The following MYOT variants were observed in gnomAD, a reference collection of about 807,000 sequenced individuals.
The protein encoded by MYOT is myotilin.
In MYOT, 36 loss-of-function variants were observed where a neutral mutation model predicts 58.0. The observed-to-expected ratio is 0.62, with a 90% CI of 0.48 to 0.82. The LOEUF is 0.82. MYOT is among the 40% of genes least tolerant of loss of function. The probability of loss-of-function intolerance (pLI) is 0.00; values close to 1 mark genes in which losing one functional copy is unlikely to be tolerated. For synonymous variants in MYOT, 218 were observed against 204.6 expected (o/e 1.07, Z -0.56); for missense variants, 505 against 592.1 (o/e 0.85, Z 1.53).
At chr5:137,878,206 C>A (rs1253011296) in intron 4 of MYOT, among the ~76,000 whole-genome samples, 1 of 151,542 alleles carries the variant, frequency 6.6e-6, no homozygotes, top group African/African-American at 2.4e-5. Context: ...CAGGTTTGCA[C>A]CTGATCGATT....
At chr5:137,872,198 C>T (rs1436624190) in intron 2 of MYOT, among the ~76,000 whole-genome samples, 12 of 152,184 alleles carry the variant, frequency 7.9e-5, no homozygotes, top group Non-Finnish European at 1.3e-4. Context: ...GGCATTCTCA[C>T]AGGTTTAACC....
intron 4 of MYOT, among the ~76,000 whole-genome samples, chr5:137,880,312 C>T (rs750789022): frequency 4.6e-5 from 7 of 152,200 alleles, no homozygotes; most frequent in Non-Finnish European, 1.0e-4. Flanking sequence ...ACATACCTTT[C>T]GTGGAGTCCA....
rs759745832 is a variant in MYOT at position 137,870,972 on chromosome 5, C to T, written c.321C>T (p.Tyr107=). 20 of 1,614,104 alleles carry T rather than the reference C, an allele frequency of 1.2e-5. No homozygotes were observed. The highest frequency in any genetic ancestry group is 1.7e-5 in the Non-Finnish European group (20 of 1,179,980). Residue 107 remains tyrosine (Y), a synonymous_variant, in exon 2 of 10, where the codon TAC becomes TAT. Coordinates refer to ENST00000239926, the MANE Select transcript of MYOT (RefSeq NM_006790.3). ...LSSILPSQPD[Y]NSSKIPSAMD... is the part of the protein sequence containing the mutation. Reference sequence around the variant, plus strand: ...CCATATTACCATCACAGCCTGATTACAATAGCAGTAAAATCCCTTCCGCTA... The same window carrying T: ...CCATATTACCATCACAGCCTGATTATAATAGCAGTAAAATCCCTTCCGCTA...
At chr5:137,870,323 A>ACG in intron 1 of MYOT, 118 bp from the exon 2 acceptor site, 1 of 410,366 alleles carries the variant, frequency 2.4e-6, no homozygotes, top group Non-Finnish European at 4.6e-6. Context: ...ACACACACAC[A>ACG]CACAAAAGGA....
chr5:137,868,144 T>C (rs553943642), intron 1 of MYOT, among the ~76,000 whole-genome samples, 191 bp downstream of exon 1: 4 of 152,206 alleles, frequency 2.6e-5, no homozygotes, highest in Non-Finnish European at 5.9e-5. Context: ...ATTATACAAA[T>C]GATAGAAGGA....
At chr5:137,878,788 A>G (rs1458834182) in intron 4 of MYOT, among the ~76,000 whole-genome samples, 1 of 152,050 alleles carries the variant, frequency 6.6e-6, no homozygotes, top group African/African-American at 2.4e-5. Context: ...ATGCCACTGC[A>G]CTCCAGCCTG....
At chr5:137,870,015 G>A (rs995443272) in intron 1 of MYOT, among the ~76,000 whole-genome samples, 3 of 151,640 alleles carry the variant, frequency 2.0e-5, no homozygotes, top group South Asian at 4.2e-4. Flanking sequence ...TCAGCTGGGT[G>A]CGGGGGCTCA....
Position 137,871,063 on chromosome 5 carries a change from G to A in MYOT, c.356+56G>A, listed in dbSNP as rs753679780. 30 of 1,445,072 alleles carry A rather than the reference G, an allele frequency of 2.1e-5. No individual in the cohort carries two copies. The East Asian group carries it at 4.8e-4, about 23-fold the overall frequency. 89.5% of individuals were successfully genotyped at this position (1,445,072 alleles called of 1,614,324 possible). On this transcript the variant is annotated intron_variant, in intron 2 of 9. Transcript: ENST00000239926. Reference sequence around the variant, plus strand: ...GTGAACTTATATCTGAGGAGTTTGCGAGGGGGTAGGAGTTTTGGGGGTATG... The same window carrying A: ...GTGAACTTATATCTGAGGAGTTTGCAAGGGGGTAGGAGTTTTGGGGGTATG...
chr5:137,885,363 A>G (rs1755562598), intron 7 of MYOT, among the ~76,000 whole-genome samples: 1 of 152,204 alleles, frequency 6.6e-6, no homozygotes, highest in Non-Finnish European at 1.5e-5. Context: ...AAACTAAACA[A>G]AATTTTACCA....
intron 4 of MYOT, among the ~76,000 whole-genome samples, chr5:137,879,460 A>C (rs1005368832): frequency 2.6e-5 from 4 of 151,906 alleles, no homozygotes. Context: ...ATGAGACACA[A>C]ACTCATCACT....
intron 4 of MYOT, among the ~76,000 whole-genome samples, chr5:137,878,583 G>C (rs1456793367): frequency 6.6e-6 from 1 of 152,140 alleles, no homozygotes; most frequent in East Asian, 1.9e-4. Context: ...CCAGCACTTT[G>C]GGAGGCCGAG....
At position 137,880,858 on chromosome 5, in the gene MYOT, C is replaced by A; in HGVS notation, c.676C>A (p.Gln226Lys). 6.2e-7 allele frequency: 1 copy of A among 1,607,374 alleles called. No individual in the cohort carries two copies. The highest frequency in any genetic ancestry group is 8.5e-7 in the Non-Finnish European group (1 of 1,174,496). The change falls in exon 5 of 10, where the codon CAA becomes AAA. Residue 226 changes from glutamine to lysine, a missense_variant. By Grantham distance (53) the Gln-to-Lys change is moderately conservative. Transcript: ENST00000239926. ...EHARLQVPTS[Q>K]VRSRSTSRGD... ...TGCGCGACTGCAAGTTCCTACATCA[C>A]AAGTAAGGTAAAAAATTTTAATTTT...
intron 3 of MYOT, 193 bp downstream of exon 3, chr5:137,876,196 T>A: frequency 1.7e-6 from 1 of 598,538 alleles, no homozygotes; most frequent in African/African-American, 1.9e-5. Context: ...AGTAAAAGAA[T>A]GAAGCAAATG....
chr5:137,871,977 G>C (rs1755066036), intron 2 of MYOT, among the ~76,000 whole-genome samples: 1 of 152,114 alleles, frequency 6.6e-6, no homozygotes, highest in African/African-American at 2.4e-5. Flanking sequence ...GTCTTCTCTA[G>C]AGGCTAATTT....
intron 2 of MYOT, among the ~76,000 whole-genome samples, chr5:137,875,205 A>G (rs771422745): frequency 6.6e-6 from 1 of 152,240 alleles, no homozygotes; most frequent in Non-Finnish European, 1.5e-5. Flanking sequence ...ACACGGATGC[A>G]GCTTGAGGCC....
Position 137,886,972 on chromosome 5 carries a change from A to G in MYOT, c.1299A>G (p.Thr433=), listed in dbSNP as rs376664585. The G allele has an allele frequency of 8.1e-6, 13 of 1,613,528 alleles. No homozygotes were observed. The highest frequency in any genetic ancestry group is 1.1e-5 in the Non-Finnish European group (13 of 1,179,518). The part of the protein sequence containing the change: ...VSAVNEAGVT[T]CNTRLDVTAR... The stretch of plus-strand genomic sequence containing the variant: ...CAGTTAATGAAGCTGGAGTGACTAC[A>G]TGTAACACAAGATTAGACGTTACGG... Residue 433 remains threonine, a synonymous_variant, in exon 9 of 10, where the codon ACA becomes ACG. Transcript: ENST00000239926.
chr5:137,881,279 G>C (rs1755421430), intron 5 of MYOT, among the ~76,000 whole-genome samples: 1 of 152,178 alleles, frequency 6.6e-6, no homozygotes, highest in Non-Finnish European at 1.5e-5. Context: ...ATTTCTAATA[G>C]TCATCAAATA....
At chr5:137,878,773 A>G (rs563802894) in intron 4 of MYOT, among the ~76,000 whole-genome samples, 61 of 152,202 alleles carry the variant, frequency 4.0e-4, no homozygotes, top group African/African-American at 1.4e-3. Context: ...CAGTGAGCCA[A>G]AATCATGCCA....
At chr5:137,876,965 C>CTG (rs1168148769) in intron 3 of MYOT, among the ~76,000 whole-genome samples, 3 of 151,858 alleles carry the variant, frequency 2.0e-5, no homozygotes, top group African/African-American at 7.3e-5. Context: ...TTATGCTTGC[C>CTG]TGTCATAGGA....
Sources: gnomAD v4.1 joint callset for allele counts (sites outside exome capture counted in the v4.1 genomes callset) on GRCh38, gnomAD v4.1.1 for gene constraint, MANE v1.5 for transcripts, NCBI Gene and HGNC (gene_info 2026-07-23, HGNC 2026-07-21) for gene names.